Variants in RBM19 observed in about 807,000 individuals in gnomAD.
RBM19 encodes the protein probable RNA-binding protein 19.
In RBM19, 94 loss-of-function variants were observed where a neutral mutation model predicts 116.8. The observed-to-expected ratio is 0.80, with a 90% CI of 0.68 to 0.95. The LOEUF (loss-of-function observed/expected upper bound fraction) is 0.95, where lower values mean the gene tolerates loss of function less well. Ranked by LOEUF, RBM19 falls within the 40% of genes least tolerant of loss-of-function variation. The pLI, the probability that RBM19 is intolerant of heterozygous loss-of-function variation, is 0.00. For synonymous variants in RBM19, 475 were observed against 494.1 expected, an observed-to-expected ratio of 0.96 and a Z score of 0.51; for missense variants, 1,161 against 1,220.7, an observed-to-expected ratio of 0.95 and a Z score of 0.73.
intron 21 of RBM19, among the ~76,000 whole-genome samples, chr12:113,872,384 G>A (rs1879292018): frequency 6.7e-6 from 1 of 150,210 alleles, no homozygotes; most frequent in Non-Finnish European, 1.5e-5. Flanking sequence ...ACCCCGTCCG[G>A]GAGGGAGGTG....
chr12:113,837,246 T>TACACACACACACACACACACACAC (rs34948952), intron 23 of RBM19, among the ~76,000 whole-genome samples: 11 of 126,900 alleles, frequency 8.7e-5, no homozygotes, highest in Middle Eastern at 4.2e-3. Context: ...ATCCTCCTAA[T>TACACACACACACACACACACACAC]ACACACACAC....
At chr12:113,817,429 T>C (rs1233923471), downstream of RBM19, 2 of 152,324 alleles carry the variant, frequency 1.3e-5, no homozygotes, top group East Asian at 3.8e-4. Context: ...CCCGTGCCTC[T>C]AGCCTGTGCC....
intron 21 of RBM19, among the ~76,000 whole-genome samples, chr12:113,879,252 C>A (rs1415680162): frequency 6.6e-6 from 1 of 152,036 alleles, no homozygotes; most frequent in East Asian, 1.9e-4. Flanking sequence ...ATGTTATGTT[C>A]ATTGCAGTGG....
At chr12:113,829,151 C>T (rs954614477) in intron 23 of RBM19, among the ~76,000 whole-genome samples, 2 of 152,192 alleles carry the variant, frequency 1.3e-5, no homozygotes, top group Non-Finnish European at 2.9e-5. Flanking sequence ...GCGTACACCA[C>T]CAGGCCCAAC....
chr12:113,841,195 A>G (rs1206247119), intron 23 of RBM19, among the ~76,000 whole-genome samples: 1 of 152,206 alleles, frequency 6.6e-6, no homozygotes, highest in Non-Finnish European at 1.5e-5. Flanking sequence ...CAATGGGGAC[A>G]ATGAAACATG....
chr12:113,863,431 G>A (rs1297689688), intron 21 of RBM19, among the ~76,000 whole-genome samples: 1 of 152,194 alleles, frequency 6.6e-6, no homozygotes, highest in Non-Finnish European at 1.5e-5. Context: ...CAGAGGAAGC[G>A]AGAACCCTCC....
chr12:113,922,616 T>C (rs1868685998), intron 18 of RBM19, among the ~76,000 whole-genome samples: 1 of 130,840 alleles, frequency 7.6e-6, no homozygotes, highest in Admixed American at 9.6e-5. Flanking sequence ...AGCAATAACT[T>C]TTTTTTTTTT....
intron 21 of RBM19, among the ~76,000 whole-genome samples, chr12:113,874,207 A>T (rs1879498616): frequency 6.6e-6 from 1 of 152,206 alleles, no homozygotes; most frequent in African/African-American, 2.4e-5. Context: ...AATGGCCGGC[A>T]CCCAGAACAG....
intron 2 of RBM19, 90 bp from the exon 3 acceptor site, chr12:113,960,268 G>C (rs1055047968): frequency 1.3e-6 from 2 of 1,565,264 alleles, no homozygotes; most frequent in African/African-American, 2.7e-5. Flanking sequence ...GGGCATTTCA[G>C]ACAACTGTCA....
At chr12:113,884,705 A>G (rs1006499557) in intron 21 of RBM19, among the ~76,000 whole-genome samples, 2 of 152,222 alleles carry the variant, frequency 1.3e-5, no homozygotes, top group Non-Finnish European at 2.9e-5. Context: ...GCACTGAGAA[A>G]GTACAAGATG....
At chr12:113,870,333 G>A (rs995471479) in intron 21 of RBM19, among the ~76,000 whole-genome samples, 2 of 152,090 alleles carry the variant, frequency 1.3e-5, no homozygotes, top group East Asian at 3.9e-4. Context: ...CCACTCCTTC[G>A]CCTGCCACGT....
In RBM19 at chr12:113,828,228, A is replaced by G. The variant is rs114503571; in HGVS notation, c.2786-4907T>C. ...TACAGAAATCAGTGACTAATGTTCA[A>G]AAACAGGGAGATGCTACATAAGAAT... On this transcript the variant is annotated intron_variant, in intron 23 of 23. Transcript: ENST00000261741. Among the ~76,000 whole-genome samples, 251 of 152,274 alleles carry G rather than the reference A, an allele frequency of 1.6e-3. 2 individuals carry two copies. The highest frequency in any genetic ancestry group is 5.6e-3 in the African/African-American group (234 of 41,564).
intron 4 of RBM19, 129 bp from the exon 5 acceptor site, chr12:113,959,533 C>G (rs1162189458): frequency 8.8e-7 from 1 of 1,135,278 alleles, no homozygotes; most frequent in African/African-American, 1.6e-5. Context: ...CTAATTTCCC[C>G]CATTCTCTGG....
chr12:113,948,144 C>T (rs1294703681), intron 10 of RBM19, among the ~76,000 whole-genome samples: 1 of 152,198 alleles, frequency 6.6e-6, no homozygotes, highest in Non-Finnish European at 1.5e-5. Context: ...GGTGTTCAAC[C>T]TACATCTCCA....
In RBM19 at chr12:113,909,703, T is replaced by C. The variant is rs562012648; in HGVS notation, c.2558+5266A>G. On this transcript the variant is annotated intron_variant, in intron 21 of 23. Transcript: ENST00000261741. ...GGGGGACTCTGGAGTACTGTGTATATGGACAGGCTAAGCGTGAGCCACCCA... is the reference window on the plus strand; with the variant it reads ...GGGGGACTCTGGAGTACTGTGTATACGGACAGGCTAAGCGTGAGCCACCCA... Among the ~76,000 whole-genome samples, 14 of 152,220 alleles carry C rather than the reference T, an allele frequency of 9.2e-5. No homozygotes were observed. In the South Asian group the frequency reaches 2.9e-3, roughly 32 times the overall value.
intron 21 of RBM19, among the ~76,000 whole-genome samples, chr12:113,882,104 T>C (rs896219282): frequency 6.6e-6 from 1 of 152,148 alleles, no homozygotes; most frequent in Non-Finnish European, 1.5e-5. Flanking sequence ...GCTCATGTGC[T>C]CTCCCCTCTA....
chr12:113,953,516 C>T (rs535619407), intron 7 of RBM19, among the ~76,000 whole-genome samples: 1 of 152,198 alleles, frequency 6.6e-6, no homozygotes, highest in South Asian at 2.1e-4. Context: ...AAGATATACA[C>T]GATCTACAAA....
intron 23 of RBM19, among the ~76,000 whole-genome samples, chr12:113,843,778 C>T (rs1006013551): frequency 1.3e-4 from 20 of 152,204 alleles, no homozygotes; most frequent in Non-Finnish European, 5.9e-5. Context: ...CTGTCTCACC[C>T]TCTCCTCACC....
rs771342711 is a variant in RBM19, at chr12:113,918,391, C to G, written c.2441+1G>C. ...AGGAAATGAGGACACTGAAGACTCACTTAGTGGCTCGTTCCGAGATCCTCA... is the reference window on the plus strand; with the variant it reads ...AGGAAATGAGGACACTGAAGACTCAGTTAGTGGCTCGTTCCGAGATCCTCA... On this transcript the variant is annotated splice_donor_variant, in intron 20 of 23. Coordinates refer to ENST00000261741, the MANE Select transcript of RBM19 (RefSeq NM_016196.4). LOFTEE classifies it high-confidence loss of function. The G allele has an allele frequency of 6.2e-7, 1 of 1,613,732 alleles. No individual in the cohort carries two copies. The highest frequency in any genetic ancestry group is 1.3e-5 in the African/African-American group (1 of 74,784).
Sources: gnomAD v4.1 joint callset for allele counts (sites outside exome capture counted in the v4.1 genomes callset) on GRCh38, gnomAD v4.1.1 for gene constraint, MANE v1.5 for transcripts, NCBI Gene and HGNC (gene_info 2026-07-23, HGNC 2026-07-21) for gene names.